Variants in CNTN5 observed in about 807,000 individuals in gnomAD.
CNTN5 encodes contactin-5.
Under a neutral mutation model 129.1 loss-of-function variants are expected in CNTN5, and 77 were observed. The observed-to-expected ratio is 0.60, with a 90% CI of 0.50 to 0.72. The LOEUF is 0.72. Among genes scored for constraint, CNTN5 ranks in the 30% least tolerant of loss-of-function variants. CNTN5 has a pLI of 0.00. For synonymous variants in CNTN5, 509 were observed against 465.6 expected, an observed-to-expected ratio of 1.09 and a Z score of -1.20; for missense variants, 1,478 against 1,328.8, an observed-to-expected ratio of 1.11 and a Z score of -1.75.
At chr11:100,060,573 A>G (rs1354324163) in intron 9 of CNTN5, among the ~76,000 whole-genome samples, 1 of 152,064 alleles carries the variant, frequency 6.6e-6, no homozygotes, top group Non-Finnish European at 1.5e-5. Flanking sequence ...CATTGCAATA[A>G]GCACATATAT....
chr11:99,120,665 C>G (rs1446615957), intron 1 of CNTN5, among the ~76,000 whole-genome samples: 1 of 152,116 alleles, frequency 6.6e-6, no homozygotes, highest in South Asian at 2.1e-4. Context: ...GATAGATTTC[C>G]ATAGGTATAA....
intron 1 of CNTN5, among the ~76,000 whole-genome samples, chr11:99,295,524 T>C (rs1447279290): frequency 6.6e-6 from 1 of 152,228 alleles, no homozygotes; most frequent in Non-Finnish European, 1.5e-5. Flanking sequence ...ATGATGTCCT[T>C]CTAGAAGACT....
intron 13 of CNTN5, among the ~76,000 whole-genome samples, chr11:100,156,167 A>G (rs956887149): frequency 1.5e-4 from 23 of 152,192 alleles, no homozygotes; most frequent in African/African-American, 4.1e-4. Context: ...TATTATTTTG[A>G]TATGTTCCAT....
At chr11:99,591,498 C>T (rs544890575) in intron 3 of CNTN5, among the ~76,000 whole-genome samples, 19 of 151,936 alleles carry the variant, frequency 1.3e-4, no homozygotes, top group South Asian at 2.1e-4. Context: ...CCACCATGCC[C>T]GGCTAATTTT....
At chr11:99,469,381 C>G (rs113909035) in intron 2 of CNTN5, among the ~76,000 whole-genome samples, 1 of 151,786 alleles carries the variant, frequency 6.6e-6, no homozygotes, top group Non-Finnish European at 1.5e-5. Flanking sequence ...TCTTACAGTC[C>G]GTAGAGATTG....
chr11:99,400,161 C>T (rs1413565396), intron 2 of CNTN5, among the ~76,000 whole-genome samples: 1 of 151,950 alleles, frequency 6.6e-6, no homozygotes. Context: ...TCCTTTTACC[C>T]CTCTACCACC....
chr11:99,801,237 T>C (rs962132723), intron 3 of CNTN5, among the ~76,000 whole-genome samples: 1 of 152,184 alleles, frequency 6.6e-6, no homozygotes, highest in Non-Finnish European at 1.5e-5. Flanking sequence ...TTTTTATTCT[T>C]TAAGAATGCT....
In CNTN5 at chr11:100,125,477, G is replaced by A. The variant is rs1367948773; in HGVS notation, c.1580+51183G>A. Among the ~76,000 whole-genome samples the A allele has an allele frequency of 3.9e-5, 6 of 151,906 alleles. No individual in the cohort carries two copies. In the East Asian group the frequency reaches 1.2e-3, roughly 29 times the overall value. On this transcript the variant is annotated intron_variant, in intron 13 of 24. Coordinates refer to ENST00000524871, the MANE Select transcript of CNTN5 (RefSeq NM_014361.4). ...GTATAATGACCTTCAGCTCCACCTT[G>A]CCACAAAGCACATGATTTCATTCTT...
chr11:99,457,730 G>A (rs926734675), intron 2 of CNTN5, among the ~76,000 whole-genome samples: 29 of 151,612 alleles, frequency 1.9e-4, no homozygotes, highest in African/African-American at 7.0e-4. Context: ...TATTAAATTA[G>A]ATTGTTATAT....
intron 7 of CNTN5, among the ~76,000 whole-genome samples, chr11:99,937,083 T>A (rs757249035): frequency 6.6e-6 from 1 of 152,160 alleles, no homozygotes; most frequent in Admixed American, 6.6e-5. Flanking sequence ...TAAAACAGGA[T>A]CTTGAGCTAG....
rs373970672 is a variant in CNTN5, at chr11:99,582,717, G to A, written c.55+26448G>A. Among the ~76,000 whole-genome samples the A allele has an allele frequency of 4.5e-4, 44 of 97,480 alleles. No homozygotes were observed. The East Asian group carries it at 9.5e-3, about 21-fold the overall frequency. 64.0% of individuals were successfully genotyped at this position (97,480 alleles called of 152,430 possible). On this transcript the variant is annotated intron_variant, in intron 3 of 24. Transcript: ENST00000524871. ...TTCTCTGCATTGGTTATTCTAGTTAGCCATTTGTCTAATTTTTTTCAAAGT... is the reference window on the plus strand; with the variant it reads ...TTCTCTGCATTGGTTATTCTAGTTAACCATTTGTCTAATTTTTTTCAAAGT...
intron 6 of CNTN5, among the ~76,000 whole-genome samples, chr11:99,864,896 G>GTA (rs1948313463): frequency 2.0e-5 from 3 of 152,070 alleles, no homozygotes; most frequent in Non-Finnish European, 4.4e-5. Context: ...CCACTAAAAG[G>GTA]TATAAAAGCT....
At chr11:99,545,486 A>G (rs942484046) in intron 2 of CNTN5, among the ~76,000 whole-genome samples, 2 of 152,232 alleles carry the variant, frequency 1.3e-5, no homozygotes, top group African/African-American at 2.4e-5. Context: ...ATTTAATTAA[A>G]TTAAAAGAGA....
At chr11:99,388,100 A>G (rs1725757135) in intron 2 of CNTN5, among the ~76,000 whole-genome samples, 1 of 152,068 alleles carries the variant, frequency 6.6e-6, no homozygotes, top group African/African-American at 2.4e-5. Context: ...TTCCCTCTGC[A>G]GACTAGGTTT....
At chr11:99,582,756 G>A (rs1419728511) in intron 3 of CNTN5, among the ~76,000 whole-genome samples, 1 of 151,810 alleles carries the variant, frequency 6.6e-6, no homozygotes, top group Non-Finnish European at 1.5e-5. Flanking sequence ...TAACTTCTTT[G>A]CCATTGGTTC....
chr11:99,107,969 G>GTGTCATGA (rs1201131909), intron 1 of CNTN5, among the ~76,000 whole-genome samples: 49 of 149,354 alleles, frequency 3.3e-4, no homozygotes, highest in Non-Finnish European at 4.5e-4. Flanking sequence ...AAGGAAACTA[G>GTGTCATGA]TGTCATGATT....
chr11:100,046,174 T>C (rs1054651929), intron 9 of CNTN5, among the ~76,000 whole-genome samples: 3 of 149,880 alleles, frequency 2.0e-5, no homozygotes, highest in Admixed American at 6.6e-5. Context: ...CTTTAGGAGA[T>C]ATACCTAATG....
At chr11:100,145,455 CG>C (rs1389490844) in intron 13 of CNTN5, among the ~76,000 whole-genome samples, 2 of 152,078 alleles carry the variant, frequency 1.3e-5, no homozygotes, top group African/African-American at 4.8e-5. Flanking sequence ...GTGACTCTTA[CG>C]TAGGTAGGTG....
chr11:99,151,445 T>A (rs1860053137), intron 1 of CNTN5, among the ~76,000 whole-genome samples: 1 of 152,206 alleles, frequency 6.6e-6, no homozygotes, highest in Non-Finnish European at 1.5e-5. Flanking sequence ...TATACCTTGA[T>A]AACAAAAATC....
Sources: allele counts gnomAD v4.1 joint callset (sites outside exome capture counted in the v4.1 genomes callset), GRCh38; gene constraint gnomAD v4.1.1; transcripts MANE v1.5; gene names NCBI Gene and HGNC (gene_info 2026-07-23, HGNC 2026-07-21).